Variants in NES observed in about 807,000 individuals in gnomAD.
The protein encoded by NES is nestin.
NES carries 27 observed loss-of-function variants against 35.6 expected under a neutral mutation model. The observed-to-expected ratio is 0.76, with a 90% CI of 0.56 to 1.04. The LOEUF is 1.04. Among genes scored for constraint, NES ranks in the 50% least tolerant of loss-of-function variants. NES has a pLI of 0.00. For missense variants in NES, 1,867 were observed against 1,983.6 expected (o/e 0.94, Z 1.12); for synonymous variants, 822 against 824.2 (o/e 1.00, Z 0.04).
chr1:156,676,699 GC>G lies in NES; in HGVS notation c.565del (p.Ala189GlnfsTer163). On this transcript the variant is annotated frameshift_variant, in exon 1 of 4. Transcript: ENST00000368223. LOFTEE classifies it high-confidence loss of function. The surrounding 1 kb of genome is among the most constrained non-coding windows in gnomAD (Gnocchi z 5.3). ...ARRLGEAWRG[A>X]VRGYQERVAH... The stretch of plus-strand genomic sequence containing the variant: ...CACGCGCTCCTGGTAGCCGCGCACT[GC>G]CCCGCGCCACGCCTCGCCCAGTCGC... 1 of 1,460,040 alleles carries G rather than the reference GC, an allele frequency of 6.8e-7. No individual in the cohort carries two copies. Among genetic ancestry groups the G allele is most frequent in the Non-Finnish European group, 8.9e-7 (1 of 1,118,008 alleles). The allele number at this position is 1,460,040 out of a possible 1,614,324, so 90.4% of individuals were successfully genotyped here. A position where few individuals can be genotyped will look rare whatever the true frequency, so the allele number is the denominator to read the frequency against.
intron 3 of NES, 27 bp downstream of exon 3, chr1:156,673,426 TC>T (rs1679778557): frequency 6.3e-7 from 1 of 1,598,518 alleles, no homozygotes; most frequent in Non-Finnish European, 8.6e-7. Flanking sequence ...CAGGGTAGTT[TC>T]TGGGGGAACT....
Position 156,676,995 on chromosome 1 carries a change from G to T in NES, c.270C>A (p.Gly90=), listed in dbSNP as rs772493280. 6.3e-7 allele frequency: 1 copy of T among 1,580,940 alleles called. No homozygotes were observed. Among genetic ancestry groups the T allele is most frequent in the African/African-American group, 1.4e-5 (1 of 73,432 alleles). The part of the protein sequence containing the change: ...ARDNLAEELE[G]VAGRCQQLRL... ...GCAGCTGCTGGCATCGGCCTGCCAC[G>T]CCCTCCAGCTCTTCAGCCAGGTTGT... is the stretch of plus-strand genomic sequence containing the variant. Residue 90 remains glycine, a synonymous_variant, in exon 1 of 4, where the codon GGC becomes GGA. Transcript: ENST00000368223. This position sits in a 1 kb window ranked among gnomAD's most constrained non-coding sequence, Gnocchi z 5.3.
intron 2 of NES, among the ~76,000 whole-genome samples, chr1:156,673,804 T>C (rs1679787138): frequency 1.3e-5 from 2 of 150,364 alleles, no homozygotes; most frequent in Admixed American, 7.3e-5. Context: ...GACATTGCCC[T>C]ACACACACCC....
intron 2 of NES, among the ~76,000 whole-genome samples, chr1:156,673,925 G>C (rs947687019): frequency 6.6e-6 from 1 of 152,274 alleles, no homozygotes; most frequent in South Asian, 2.1e-4. Flanking sequence ...CCACCATCTG[G>C]AGGGTCTGAG....
rs1388521282 is a variant in NES at position 156,672,691 on chromosome 1, C to T, written c.1497G>A (p.Gly499=). Residue 499 remains glycine (G), a synonymous_variant, in exon 4 of 4, where the codon GGG becomes GGA. Transcript: ENST00000368223. ...CTTTCTCTACCAACCCCCAGATTTG[C>T]CCTTCACCTTCCCCTCGGCATATGC... ...VFSICRGEGE[G]QIWGLVEKET... 2 of 1,613,834 alleles carry T rather than the reference C, an allele frequency of 1.2e-6. No homozygotes were observed. Among genetic ancestry groups the T allele is most frequent in the Non-Finnish European group, 1.7e-6 (2 of 1,180,048 alleles).
Position 156,676,895 on chromosome 1 carries a change from C to T in NES, c.370G>A (p.Ala124Thr). The T allele has an allele frequency of 5.2e-6, 8 of 1,547,788 alleles. No homozygotes were observed. Among genetic ancestry groups the T allele is most frequent in the South Asian group, 1.2e-5 (1 of 84,856 alleles). ...RAVEAEKCAR[A>T]WLSSQVAELE... ...TCTGCCACCTGGCTACTCAGCCAGG[C>T]CCGGGCGCATTTCTCTGCCTCGACG... is the stretch of plus-strand genomic sequence containing the variant. Residue 124 changes from alanine to threonine, a missense_variant, in exon 1 of 4, where the codon GCC becomes ACC. Ala to Thr is a moderately conservative substitution (Grantham distance 58). Transcript: ENST00000368223. This position sits in a 1 kb window ranked among gnomAD's most constrained non-coding sequence, Gnocchi z 5.3.
rs1455192678 is a variant in NES, at chr1:156,672,936, G to A, written c.1252C>T (p.Gln418Ter). The change falls in exon 4 of 4, where the codon CAG becomes TAG. Residue 418 changes from glutamine to a stop codon, truncating the protein, a stop_gained. Transcript: ENST00000368223. LOFTEE classifies it low-confidence loss of function (END_TRUNC). ...QDAPLSLLQTQGGRKQAPEPL... is the reference protein window; with the variant it reads ...QDAPLSLLQT The stretch of plus-strand genomic sequence containing the variant: ...TCTGGAGCCTGTTTCCTCCCACCCT[G>A]TGTCTGGAGCAGAGAGAGAGGAGCA... The A allele has an allele frequency of 6.2e-7, 1 of 1,614,072 alleles. No individual in the cohort carries two copies. The highest frequency in any genetic ancestry group is 8.5e-7 in the Non-Finnish European group (1 of 1,180,038).
Position 156,671,690 on chromosome 1 carries a change from C to A in NES, c.2498G>T (p.Gly833Val). The A allele has an allele frequency of 6.2e-7, 1 of 1,613,808 alleles. No individual in the cohort carries two copies. Among genetic ancestry groups the A allele is most frequent in the South Asian group, 1.1e-5 (1 of 91,058 alleles). Residue 833 changes from glycine to valine, a missense_variant, in exon 4 of 4, where the codon GGA becomes GTA. Gly to Val is a moderately radical substitution (Grantham distance 109, BLOSUM62 -3). Coordinates refer to ENST00000368223, the MANE Select transcript of NES (RefSeq NM_006617.2). ...TTTCAGTGTTTCCAGGTTCTCTTGT[C>A]CCGCAGACTTCAGTGATTCTAGGAT... Reference protein sequence around the residue: ...TEILESLKSAGQENLETLKSP... With the variant: ...TEILESLKSAVQENLETLKSP...
Position 156,675,247 on chromosome 1 carries a change from T to A in NES, c.877A>T (p.Met293Leu), listed in dbSNP as rs767902286. Reference sequence around the variant, plus strand: ...GTGGCCACCTCCAGGCTGAGGGACATCTTGAGGTGCGCCAGCTGCTGCCGA... The same window carrying A: ...GTGGCCACCTCCAGGCTGAGGGACAACTTGAGGTGCGCCAGCTGCTGCCGA... ...EGRQQLAHLK[M>L]SLSLEVATYR... Residue 293 changes from methionine (M) to leucine (L), a missense_variant, in exon 2 of 4, where the codon ATG becomes TTG. Met to Leu is a conservative substitution (Grantham distance 15). Coordinates refer to ENST00000368223, the MANE Select transcript of NES (RefSeq NM_006617.2). 28 of 1,613,658 alleles carry A rather than the reference T, an allele frequency of 1.7e-5. No individual in the cohort carries two copies. The Admixed American group carries it at 4.3e-4, about 25-fold the overall frequency.
chr1:156,672,434 G>A lies in NES; in HGVS notation c.1754C>T (p.Thr585Ile). 6.2e-7 allele frequency: 1 copy of A among 1,611,402 alleles called. No individual in the cohort carries two copies. Among genetic ancestry groups the A allele is most frequent in the Non-Finnish European group, 8.5e-7 (1 of 1,179,448 alleles). ...ATTTTCCTTTTCTAGACTTTTTAGT[G>A]TTTCTAAGTCTTCTTCTAAAGACCT... Reference protein sequence around the residue: ...CPRSLEEDLETLKSLEKENKE... With the variant: ...CPRSLEEDLEILKSLEKENKE... The change falls in exon 4 of 4, where the codon ACA becomes ATA. Residue 585 changes from threonine to isoleucine, a missense_variant. Transcript: ENST00000368223.
At position 156,670,823 on chromosome 1, in the gene NES, G is replaced by A; in HGVS notation, c.3365C>T (p.Pro1122Leu). 1.2e-6 allele frequency: 2 copies of A among 1,613,020 alleles called. No homozygotes were observed. The highest frequency in any genetic ancestry group is 1.7e-5 in the Admixed American group (1 of 59,998). Residue 1122 changes from proline (P) to leucine (L), a missense_variant, in exon 4 of 4, where the codon CCA becomes CTA. Physicochemically the swap from Pro to Leu is moderately conservative, Grantham distance 98. Transcript: ENST00000368223. Reference sequence around the variant, plus strand: ...CTCCAAACTCTCCTCTTCCAGGGGTGGTTCCATCACCTCTTCCCTGGTCAG... The same window carrying A: ...CTCCAAACTCTCCTCTTCCAGGGGTAGTTCCATCACCTCTTCCCTGGTCAG... ...GHLTREEVME[P>L]PLEEESLEAK...
At position 156,671,464 on chromosome 1, in the gene NES, C is replaced by G; in HGVS notation, c.2724G>C (p.Glu908Asp). Reference protein sequence around the residue: ...WNLENLRSPEEVDKESQRNLE... With the variant: ...WNLENLRSPEDVDKESQRNLE... ...GATTCCTTTGACTTTCCTTGTCTAC[C>G]TCCTCTGGAGATCTCAAATTCTCCA... Residue 908 changes from glutamate to aspartate, a missense_variant, in exon 4 of 4, where the codon GAG becomes GAC. Coordinates refer to ENST00000368223, the MANE Select transcript of NES (RefSeq NM_006617.2). 1.2e-6 allele frequency: 2 copies of G among 1,613,988 alleles called. No homozygotes were observed. The highest frequency in any genetic ancestry group is 1.7e-6 in the Non-Finnish European group (2 of 1,180,030).
At position 156,671,159 on chromosome 1, in the gene NES, C is replaced by T; in HGVS notation, c.3029G>A (p.Gly1010Asp). The T allele has an allele frequency of 6.2e-7, 1 of 1,614,124 alleles. No homozygotes were observed. Residue 1010 changes from glycine to aspartate, a missense_variant, in exon 4 of 4, where the codon GGC (glycine) becomes GAC (aspartate). Physicochemically the swap from Gly to Asp is moderately conservative, Grantham distance 94 (BLOSUM62 -1). Transcript: ENST00000368223. ...CTCAGGGCTCTCTGGGTGCCCCTCGCCTGGGATCCAGACCTCCTCTGTGGC... is the reference window on the plus strand; with the variant it reads ...CTCAGGGCTCTCTGGGTGCCCCTCGTCTGGGATCCAGACCTCCTCTGTGGC... ...LNATEEVWIP[G>D]EGHPESPEPK...
In NES at chr1:156,670,063, C is replaced by T. The variant is rs1679680714; in HGVS notation, c.4125G>A (p.Glu1375=). ...CAGGGACCCCAGGAAGAAAAGGTGC[C>T]TCAGTCCCCAGGTCCTCAAATTCTT... ...LSEEFEDLGT[E]APFLPGVPGE... is the part of the protein sequence containing the mutation. The change falls in exon 4 of 4, where the codon GAG becomes GAA. Residue 1375 remains glutamate (E), a synonymous_variant. Coordinates refer to ENST00000368223, the MANE Select transcript of NES (RefSeq NM_006617.2). 3 of 1,614,086 alleles carry T rather than the reference C, an allele frequency of 1.9e-6. No homozygotes were observed. Among genetic ancestry groups the T allele is most frequent in the East Asian group, 2.2e-5 (1 of 44,866 alleles).
chr1:156,676,438 A>G lies in NES; in HGVS notation c.783+44T>C. 1.3e-6 allele frequency: 2 copies of G among 1,585,912 alleles called. No individual in the cohort carries two copies. Among genetic ancestry groups the G allele is most frequent in the Non-Finnish European group, 1.7e-6 (2 of 1,170,588 alleles). ...CTGAGCTTCATAAGGGACTTTCTGGAGCTTTCTGGGACTTTCTCTCACCCA... is the reference window on the plus strand; with the variant it reads ...CTGAGCTTCATAAGGGACTTTCTGGGGCTTTCTGGGACTTTCTCTCACCCA... On this transcript the variant is annotated intron_variant, in intron 1 of 3. Coordinates refer to ENST00000368223, the MANE Select transcript of NES (RefSeq NM_006617.2). This position sits in a 1 kb window ranked among gnomAD's most constrained non-coding sequence, Gnocchi z 5.3.
In NES at chr1:156,670,834, C is replaced by T. The variant is rs2102584694; in HGVS notation, c.3354G>A (p.Glu1118=). The part of the protein sequence containing the change: ...LGDPGHLTRE[E]VMEPPLEEES... ...CCTCTTCCAGGGGTGGTTCCATCACCTCTTCCCTGGTCAGATGGCCTGGGT... is the reference window on the plus strand; with the variant it reads ...CCTCTTCCAGGGGTGGTTCCATCACTTCTTCCCTGGTCAGATGGCCTGGGT... The change falls in exon 4 of 4, where the codon GAG becomes GAA. Residue 1118 remains glutamate (E), a synonymous_variant. Coordinates refer to ENST00000368223, the MANE Select transcript of NES (RefSeq NM_006617.2). The T allele has an allele frequency of 1.2e-6, 2 of 1,612,966 alleles. No individual in the cohort carries two copies. The highest frequency in any genetic ancestry group is 2.2e-5 in the East Asian group (1 of 44,752).
chr1:156,676,591 A>G lies in NES; in HGVS notation c.674T>C (p.Leu225Pro), dbSNP rs951465162. The change falls in exon 1 of 4, where the codon CTG becomes CCG. Residue 225 changes from leucine (L) to proline (P), a missense_variant. By Grantham distance (98) the Leu-to-Pro change is moderately conservative (BLOSUM62 -3). Transcript: ENST00000368223. This position sits in a 1 kb window ranked among gnomAD's most constrained non-coding sequence, Gnocchi z 5.3. The part of the protein sequence containing the change: ...VQGAREGRLE[L>P]QQLQAERGGL... ...TCCGCGCTCAGCCTGGAGCTGCTGCAGCTCCAGGCGGCCCTCGCGGGCACC... is the reference window on the plus strand; with the variant it reads ...TCCGCGCTCAGCCTGGAGCTGCTGCGGCTCCAGGCGGCCCTCGCGGGCACC... 7 of 1,578,480 alleles carry G rather than the reference A, an allele frequency of 4.4e-6. No homozygotes were observed. The African/African-American group carries it at 8.1e-5, about 18-fold the overall frequency.
Position 156,671,041 on chromosome 1 carries a change from C to T in NES, c.3147G>A (p.Gly1049=), listed in dbSNP as rs1267751131. Residue 1049 remains glycine (G), a synonymous_variant, in exon 4 of 4, where the codon GGG becomes GGA. Transcript: ENST00000368223. ...CCTGGGGAGCCTGGAGGCCTGGGGC[C>T]CCCACCTGTTGTGATTGCCCTTCAG... ...QDPEGQSQQV[G]APGLQAPQGL... 6.2e-7 allele frequency: 1 copy of T among 1,613,210 alleles called. No individual in the cohort carries two copies. Among genetic ancestry groups the T allele is most frequent in the Admixed American group, 1.7e-5 (1 of 59,988 alleles).
rs1318191551 is a variant in NES at position 156,669,119 on chromosome 1, G to A, written c.*203C>T. On this transcript the variant is annotated 3_prime_UTR_variant, in exon 4 of 4. Coordinates refer to ENST00000368223, the MANE Select transcript of NES (RefSeq NM_006617.2). ...AGAGATTCCCTTTGCAGGGTGGGAGGTTATATTCCTACAGCCTCCATTCTT... is the reference window on the plus strand; with the variant it reads ...AGAGATTCCCTTTGCAGGGTGGGAGATTATATTCCTACAGCCTCCATTCTT... 1.7e-5 allele frequency: 8 copies of A among 459,372 alleles called. No individual in the cohort carries two copies. Among genetic ancestry groups the A allele is most frequent in the Non-Finnish European group, 2.7e-5 (7 of 261,568 alleles). The allele number at this position is 459,372 out of a possible 1,614,324, so 28.5% of individuals were successfully genotyped here. A position where few individuals can be genotyped will look rare whatever the true frequency, so the allele number is the denominator to read the frequency against.
Sources: gnomAD v4.1 joint callset for allele counts (sites outside exome capture counted in the v4.1 genomes callset) on GRCh38, gnomAD v4.1.1 for gene constraint, Gnocchi (gnomAD v3.1) non-coding constraint, MANE v1.5 for transcripts, NCBI Gene and HGNC (gene_info 2026-07-23, HGNC 2026-07-21) for gene names.